Variants in MYO5B observed in about 807,000 individuals in gnomAD.
MYO5B encodes myosin VB.
A neutral mutation model predicts 229.3 loss-of-function variants in MYO5B; 143 were observed. That is an observed-to-expected ratio of 0.62 (90% confidence interval 0.54 to 0.72). The LOEUF (loss-of-function observed/expected upper bound fraction) is 0.72, where lower values mean the gene tolerates loss of function less well. Among genes scored for constraint, MYO5B ranks in the 30% least tolerant of loss-of-function variants. The probability of loss-of-function intolerance (pLI) is 0.00; values close to 1 mark genes in which losing one functional copy is unlikely to be tolerated. For missense variants in MYO5B, 2,321 were observed against 2,331.0 expected (o/e 1.00, Z 0.09); for synonymous variants, 918 against 885.2 (o/e 1.04, Z -0.66).
At chr18:49,826,727 A>G (rs2023851584) in intron 39 of MYO5B, 104 bp from the exon 40 acceptor site, 2 of 1,361,708 alleles carry the variant, frequency 1.5e-6, no homozygotes, top group East Asian at 2.3e-5. Flanking sequence ...AAAGATTTCT[A>G]CGACAATTAG....
At chr18:49,826,719 A>G in intron 39 of MYO5B, 96 bp from the exon 40 acceptor site, 1 of 1,415,622 alleles carries the variant, frequency 7.1e-7, no homozygotes, top group Non-Finnish European at 1.0e-6. Context: ...TATCATGGAA[A>G]GATTTCTACG....
intron 1 of MYO5B, among the ~76,000 whole-genome samples, chr18:50,116,942 T>G (rs2031974047): frequency 6.6e-6 from 1 of 152,062 alleles, no homozygotes; most frequent in Admixed American, 6.5e-5. Flanking sequence ...ATTTCCTACA[T>G]AAGACTCACA....
chr18:50,120,045 A>G (rs1350680202), intron 1 of MYO5B, among the ~76,000 whole-genome samples: 1 of 152,230 alleles, frequency 6.6e-6, no homozygotes, highest in East Asian at 1.9e-4. Context: ...AAGGCATTAA[A>G]CAGAAACACC....
rs142044259 is a variant in MYO5B at position 49,974,339 on chromosome 18, G to A, written c.1322+11C>T. 2.7e-4 allele frequency: 438 copies of A among 1,614,178 alleles called. 5 individuals carry two copies. In the South Asian group the frequency reaches 4.1e-3, roughly 15 times the overall value. On this transcript the variant is annotated intron_variant, in intron 10 of 39. Transcript: ENST00000285039. Reference sequence around the variant, plus strand: ...AGGTAGCAGATAGAGCGAGACAGGCGGCAGGCCTACCCATAGATGTCCAGG... The same window carrying A: ...AGGTAGCAGATAGAGCGAGACAGGCAGCAGGCCTACCCATAGATGTCCAGG...
chr18:49,847,256 C>T lies in MYO5B; in HGVS notation c.4349G>A (p.Arg1450His), dbSNP rs779091130. The change falls in exon 33 of 40, where the codon CGC becomes CAC. Residue 1450 changes from arginine (R) to histidine (H), a missense_variant. Physicochemically the swap from Arg to His is conservative, Grantham distance 29. Transcript: ENST00000285039. ...AQALAQSERK[R>H]HELNRQVTVQ... ...CGTGACCTGCCTGTTGAGCTCATGG[C>T]GCTTCCTCTCACTCTGGGCCAATGC... The T allele has an allele frequency of 2.4e-5, 39 of 1,613,710 alleles. No individual in the cohort carries two copies. The highest frequency in any genetic ancestry group is 5.3e-5 in the African/African-American group (4 of 74,914).
intron 1 of MYO5B, among the ~76,000 whole-genome samples, chr18:50,058,912 C>A (rs778370120): frequency 1.1e-4 from 17 of 152,194 alleles, no homozygotes; most frequent in Non-Finnish European, 2.2e-4. Flanking sequence ...GGCCACAGTG[C>A]CCTACCTTAC....
intron 10 of MYO5B, 123 bp from the exon 11 acceptor site, chr18:49,963,153 C>T (rs2025580559): frequency 2.5e-6 from 2 of 789,354 alleles, no homozygotes; most frequent in African/African-American, 3.4e-5. Context: ...ATTGTCTCAT[C>T]TTGTGTTCAG....
At chr18:50,081,809 G>T (rs1014590773) in intron 1 of MYO5B, among the ~76,000 whole-genome samples, 1 of 151,754 alleles carries the variant, frequency 6.6e-6, no homozygotes, top group Non-Finnish European at 1.5e-5. Flanking sequence ...GCCCACAATT[G>T]AGGAATTCAC....
chr18:50,026,394 AG>A (rs1459843454), intron 4 of MYO5B, among the ~76,000 whole-genome samples: 1 of 152,260 alleles, frequency 6.6e-6, no homozygotes, highest in Non-Finnish European at 1.5e-5. Context: ...CTCTAACTGT[AG>A]AACTGAAAGT....
chr18:49,906,334 A>C, intron 19 of MYO5B, 85 bp downstream of exon 19: 10 of 1,336,886 alleles, frequency 7.5e-6, no homozygotes, highest in Non-Finnish European at 9.5e-6. Context: ...GCACAGAGGA[A>C]GAGAGAAGCC....
intron 17 of MYO5B, among the ~76,000 whole-genome samples, chr18:49,929,245 C>G (rs986668514): frequency 6.6e-6 from 1 of 152,208 alleles, no homozygotes; most frequent in Non-Finnish European, 1.5e-5. Context: ...CTCTAGCTAG[C>G]TCATCACTTA....
At chr18:50,026,368 T>C (rs967154405) in intron 4 of MYO5B, among the ~76,000 whole-genome samples, 2 of 152,254 alleles carry the variant, frequency 1.3e-5, no homozygotes, top group Non-Finnish European at 2.9e-5. Flanking sequence ...GCTCAGCCAC[T>C]AACAGTGCAA....
intron 1 of MYO5B, among the ~76,000 whole-genome samples, chr18:50,156,725 C>T (rs2032684763): frequency 6.6e-6 from 1 of 152,134 alleles, no homozygotes; most frequent in Non-Finnish European, 1.5e-5. Context: ...TAAAGGTAGC[C>T]CAATACATTC....
chr18:49,948,724 C>CATGT (rs2025401251), intron 14 of MYO5B, among the ~76,000 whole-genome samples: 1 of 152,102 alleles, frequency 6.6e-6, no homozygotes, highest in South Asian at 2.1e-4. Context: ...AAGCAATGGA[C>CATGT]ATGTGTACTT....
At chr18:49,990,322 TA>T in intron 7 of MYO5B, 116 bp downstream of exon 7, 1 of 836,352 alleles carries the variant, frequency 1.2e-6, no homozygotes, top group Non-Finnish European at 2.0e-6. Flanking sequence ...TATGGCCACA[TA>T]AGAGGCAGAG....
At chr18:49,861,080 G>C (rs2024323751) in intron 29 of MYO5B, among the ~76,000 whole-genome samples, 1 of 152,236 alleles carries the variant, frequency 6.6e-6, no homozygotes, top group Non-Finnish European at 1.5e-5. Flanking sequence ...ACCTGGTGCA[G>C]CACACACTGC....
intron 1 of MYO5B, among the ~76,000 whole-genome samples, chr18:50,178,148 TG>T (rs771316552): frequency 2.2e-4 from 34 of 152,268 alleles, no homozygotes; most frequent in South Asian, 4.2e-4. Flanking sequence ...ACATCTCTGC[TG>T]TGGGGAGAGG....
chr18:49,974,623 A>T lies in MYO5B; in HGVS notation c.1057-8T>A. 1 of 1,612,306 alleles carries T rather than the reference A, an allele frequency of 6.2e-7. No homozygotes were observed. The highest frequency in any genetic ancestry group is 2.2e-5 in the East Asian group (1 of 44,832). Reference sequence around the variant, plus strand: ...TAGGTATACATCCTGGGGCTGTGGGAGATGGGGGAGATAGGTTCAGGAGGA... The same window carrying T: ...TAGGTATACATCCTGGGGCTGTGGGTGATGGGGGAGATAGGTTCAGGAGGA... On this transcript the variant is annotated splice_polypyrimidine_tract_variant and splice_region_variant and intron_variant, in intron 9 of 39. Coordinates refer to ENST00000285039, the MANE Select transcript of MYO5B (RefSeq NM_001080467.3).
intron 1 of MYO5B, among the ~76,000 whole-genome samples, chr18:50,104,167 T>TAAAAAA (rs144294604): frequency 1.4e-4 from 19 of 131,476 alleles, no homozygotes; most frequent in African/African-American, 5.1e-4. Flanking sequence ...ACTTGTCTAT[T>TAAAAAA]AAAAAGAAAA....
Sources: gnomAD v4.1 joint callset for allele counts (sites outside exome capture counted in the v4.1 genomes callset) on GRCh38, gnomAD v4.1.1 for gene constraint, MANE v1.5 for transcripts, NCBI Gene and HGNC (gene_info 2026-07-23, HGNC 2026-07-21) for gene names.